Variants in ROBO2 observed in about 807,000 individuals in gnomAD.
ROBO2 encodes the protein roundabout guidance receptor 2, also known as roundabout homolog 2.
A neutral mutation model predicts 160.8 loss-of-function variants in ROBO2; 53 were observed. That is an observed-to-expected ratio of 0.33 (90% confidence interval 0.26 to 0.41). The LOEUF is 0.41. ROBO2 is among the 10% of genes least tolerant of loss of function. ROBO2 has a pLI of 1.00. For missense variants in ROBO2, 1,577 were observed against 1,722.4 expected (o/e 0.92, Z 1.49); for synonymous variants, 664 against 611.7 (o/e 1.09, Z -1.26).
chr3:77,568,427 C>T, exon 13 of ROBO2: 2 of 1,612,790 alleles, frequency 1.2e-6, no homozygotes, highest in African/African-American at 1.3e-5. Flanking sequence ...GTTCAGGTCA[C>T]ATGGACGGTA....
intron 13 of ROBO2, among the ~76,000 whole-genome samples, chr3:77,569,470 G>T (rs2153666848): frequency 6.6e-6 from 1 of 151,790 alleles, no homozygotes; most frequent in Non-Finnish European, 1.5e-5. Flanking sequence ...TTTTTTTAGA[G>T]AAATGTCTAT....
intron 22 of ROBO2, among the ~76,000 whole-genome samples, chr3:77,620,777 ATT>A (rs1167920635): frequency 6.6e-6 from 1 of 152,168 alleles, no homozygotes; most frequent in Non-Finnish European, 1.5e-5. Flanking sequence ...AGATTAAAAT[ATT>A]TTCCCCAAAT....
At chr3:77,077,238 G>T (rs180975734) in intron 1 of ROBO2, among the ~76,000 whole-genome samples, 70 of 152,212 alleles carry the variant, frequency 4.6e-4, no homozygotes, top group African/African-American at 3.6e-4. Context: ...TGGTGAGAAT[G>T]AAATAAAATA....
chr3:76,821,648 C>A (rs1192203160), intron 2 of ROBO2, among the ~76,000 whole-genome samples: 1 of 151,844 alleles, frequency 6.6e-6, no homozygotes, highest in Non-Finnish European at 1.5e-5. Flanking sequence ...GCCCCATAAA[C>A]ATAATAATAA....
chr3:76,635,057 T>C (rs143569489), intron 2 of ROBO2, among the ~76,000 whole-genome samples: 9 of 152,326 alleles, frequency 5.9e-5, no homozygotes, highest in African/African-American at 2.2e-4. Flanking sequence ...GGAAAAACTG[T>C]CTTCCATGAA....
intron 2 of ROBO2, among the ~76,000 whole-genome samples, chr3:75,940,278 C>T (rs951881381): frequency 1.3e-5 from 2 of 152,072 alleles, no homozygotes; most frequent in Non-Finnish European, 2.9e-5. Context: ...CTGTGTGCAA[C>T]CACTACTTAT....
chr3:76,047,066 A>G (rs1293389268), intron 2 of ROBO2, among the ~76,000 whole-genome samples: 1 of 152,206 alleles, frequency 6.6e-6, no homozygotes. Flanking sequence ...TATATAAGTA[A>G]CAACCATAGG....
chr3:75,962,085 G>T (rs1948937446), intron 2 of ROBO2, among the ~76,000 whole-genome samples: 1 of 151,488 alleles, frequency 6.6e-6, no homozygotes, highest in African/African-American at 2.4e-5. Context: ...ATTTTGTGGT[G>T]ATCTGATGAG....
At chr3:77,467,634 CT>C (rs879561337) in intron 2 of ROBO2, among the ~76,000 whole-genome samples, 3,566 of 128,842 alleles carry the variant, frequency 0.028, 46 homozygotes, top group East Asian at 0.074. Context: ...TATCTATCAT[CT>C]ATCTATCTAT....
intron 2 of ROBO2, among the ~76,000 whole-genome samples, chr3:77,356,035 C>T (rs957404567): frequency 2.0e-5 from 3 of 151,980 alleles, no homozygotes; most frequent in Non-Finnish European, 4.4e-5. Flanking sequence ...TCAGCAATTC[C>T]ACATCTGGCA....
chr3:76,950,942 G>T (rs1427568840), intron 2 of ROBO2, among the ~76,000 whole-genome samples: 1 of 152,080 alleles, frequency 6.6e-6, no homozygotes, highest in African/African-American at 2.4e-5. Context: ...TTCCCAGGCT[G>T]GTCTGGAACT....
At position 75,930,653 on chromosome 3, in the gene ROBO2, G is replaced by A. The variant is rs866100947; in HGVS notation, c.-13-6828G>A. ...GATGGTTTATATGACAATAGCACTC[G>A]AATAATTCAGAGATAACATGTCCCG... is the stretch of plus-strand genomic sequence containing the variant. On this transcript the variant is annotated intron_variant, in intron 1 of 26. Transcript: ENST00000487694. Among the ~76,000 whole-genome samples the A allele has an allele frequency of 2.0e-5, 3 of 152,046 alleles. No homozygotes were observed. In the South Asian group the frequency reaches 6.2e-4, roughly 32 times the overall value.
intron 2 of ROBO2, among the ~76,000 whole-genome samples, chr3:76,916,517 T>C (rs1343393197): frequency 6.8e-6 from 1 of 146,444 alleles, no homozygotes; most frequent in Non-Finnish European, 1.5e-5. Context: ...AATTTTTTTA[T>C]TGTTATTTTT....
Position 76,021,079 on chromosome 3 carries a change from T to A in ROBO2, c.109+83477T>A, listed in dbSNP as rs192842576. Among the ~76,000 whole-genome samples the A allele has an allele frequency of 7.9e-5, 12 of 151,876 alleles. No individual in the cohort carries two copies. In the East Asian group the frequency reaches 1.9e-3, roughly 24 times the overall value. ...TTGACAGGAAGAGTTGTTCTTGATA[T>A]TAAGTAAGGATTTTAAATCAGCTTA... On this transcript the variant is annotated intron_variant, in intron 2 of 26. Transcript: ENST00000487694.
chr3:76,748,356 G>C (rs1216310163), intron 2 of ROBO2, among the ~76,000 whole-genome samples: 2 of 151,422 alleles, frequency 1.3e-5, no homozygotes, highest in Non-Finnish European at 3.0e-5. Flanking sequence ...GTATGATGTT[G>C]ATACATTTAT....
intron 2 of ROBO2, among the ~76,000 whole-genome samples, chr3:76,640,942 A>T (rs906755625): frequency 6.6e-6 from 1 of 152,248 alleles, no homozygotes. Context: ...CTGCTGGATT[A>T]TGCCCATAGA....
intron 2 of ROBO2, among the ~76,000 whole-genome samples, chr3:77,196,825 G>C (rs1157502574): frequency 6.6e-6 from 1 of 151,688 alleles, no homozygotes; most frequent in Admixed American, 6.6e-5. Context: ...AGCAAAATCA[G>C]GTACAAGTAG....
intron 4 of ROBO2, among the ~76,000 whole-genome samples, chr3:77,482,375 A>C (rs2084809635): frequency 3.3e-5 from 5 of 152,124 alleles, no homozygotes; most frequent in Admixed American, 3.3e-4. Context: ...CCAAGGTGTA[A>C]TGGGAGTGCC....
chr3:77,632,770 T>C (rs1471754084), intron 23 of ROBO2: 1 of 899,782 alleles, frequency 1.1e-6, no homozygotes, highest in African/African-American at 1.7e-5. Context: ...CTTTCTTTAA[T>C]ACGCATGAAT....
Sources: allele counts gnomAD v4.1 joint callset (sites outside exome capture counted in the v4.1 genomes callset), GRCh38; gene constraint gnomAD v4.1.1; transcripts MANE v1.5; gene names NCBI Gene and HGNC (gene_info 2026-07-23, HGNC 2026-07-21).